Variants in FMO3 observed in about 807,000 individuals in gnomAD.
FMO3 encodes the protein flavin-containing monooxygenase 3.
A neutral mutation model predicts 39.4 loss-of-function variants in FMO3; 40 were observed. The ratio of observed to expected loss-of-function variants is 1.02; its 90% CI spans 0.79 to 1.32. FMO3 has a LOEUF of 1.32. FMO3 is among the 40% of genes most tolerant of loss of function. The probability of loss-of-function intolerance (pLI) is 0.00; values close to 1 mark genes in which losing one functional copy is unlikely to be tolerated. For synonymous variants in FMO3, 219 were observed against 228.8 expected (o/e 0.96, Z 0.39); for missense variants, 680 against 651.8 (o/e 1.04, Z -0.47).
chr1:171,103,664 C>A (rs199878858), intron 2 of FMO3, 121 bp from the exon 3 acceptor site: 9 of 821,878 alleles, frequency 1.1e-5, no homozygotes, highest in African/African-American at 3.4e-5. Flanking sequence ...TTGGTAACCA[C>A]GGAGGTCCTG....
At chr1:171,104,136 G>T (rs1655535921) in intron 3 of FMO3, among the ~76,000 whole-genome samples, 163 bp downstream of exon 3, 1 of 151,928 alleles carries the variant, frequency 6.6e-6, no homozygotes, top group African/African-American at 2.4e-5. Flanking sequence ...TTCTTCTCAA[G>T]GATACATAGA....
chr1:171,114,390 G>A (rs28363582), intron 7 of FMO3, 28 bp downstream of exon 7: 6 of 1,503,620 alleles, frequency 4.0e-6, no homozygotes, highest in Admixed American at 1.7e-5. Context: ...CTCATGGATT[G>A]CGAAGATGAA....
At chr1:171,112,933 TGAGA>T (rs1368468106) in intron 6 of FMO3, among the ~76,000 whole-genome samples, 1 of 152,122 alleles carries the variant, frequency 6.6e-6, no homozygotes, top group African/African-American at 2.4e-5. Context: ...GGAAAGGAAC[TGAGA>T]GAGAGTGATG....
At chr1:171,094,238 G>A (rs1654851341) in intron 2 of FMO3, among the ~76,000 whole-genome samples, 1 of 152,008 alleles carries the variant, frequency 6.6e-6, no homozygotes, top group South Asian at 2.1e-4. Context: ...TTTCCCATAT[G>A]TTTATTGGCC....
intron 2 of FMO3, among the ~76,000 whole-genome samples, chr1:171,094,907 C>T (rs1000299536): frequency 1.2e-4 from 18 of 152,002 alleles, no homozygotes; most frequent in African/African-American, 4.3e-4. Context: ...CTTAGAATTG[C>T]TGAGGTTATT....
chr1:171,092,801 T>G lies in FMO3; in HGVS notation c.132+11T>G, dbSNP rs781055094. The G allele has an allele frequency of 6.2e-7, 1 of 1,613,616 alleles. No individual in the cohort carries two copies. On this transcript the variant is annotated intron_variant, in intron 2 of 8. Transcript: ENST00000367755. ...CTGTGGAAATTTTCAGTGAGTAGCA[T>G]GTTGTTGTAATAGACAGGAAAATAG...
At position 171,095,148 on chromosome 1, in the gene FMO3, G is replaced by A. The variant is rs541259324; in HGVS notation, c.132+2358G>A. 3.3e-5 allele frequency among the ~76,000 whole-genome samples: 5 copies of A among 152,104 alleles called. No individual in the cohort carries two copies. The South Asian group carries it at 8.3e-4, about 25-fold the overall frequency. ...GAGATCTTGCACCTCTGGTTAAATGGGTTCCTAGATAATTTTTCCATTGTT... is the reference window on the plus strand; with the variant it reads ...GAGATCTTGCACCTCTGGTTAAATGAGTTCCTAGATAATTTTTCCATTGTT... On this transcript the variant is annotated intron_variant, in intron 2 of 8. Coordinates refer to ENST00000367755, the MANE Select transcript of FMO3 (RefSeq NM_001002294.3).
Position 171,108,126 on chromosome 1 carries a change from G to A in FMO3, c.532G>A (p.Glu178Lys). 6.2e-7 allele frequency: 1 copy of A among 1,613,836 alleles called. No homozygotes were observed. The highest frequency in any genetic ancestry group is 8.5e-7 in the Non-Finnish European group (1 of 1,179,846). ...ATGCTTCCACAGCAGGGACTATAAAGAACCAGGTGTATTCAATGGAAAGCG... is the reference window on the plus strand; with the variant it reads ...ATGCTTCCACAGCAGGGACTATAAAAAACCAGGTGTATTCAATGGAAAGCG... ...GKCFHSRDYKEPGVFNGKRVL... is the reference protein window; with the variant it reads ...GKCFHSRDYKKPGVFNGKRVL... Residue 178 changes from glutamate (E) to lysine (K), a missense_variant, in exon 5 of 9, where the codon GAA (glutamate) becomes AAA (lysine). Transcript: ENST00000367755.
In FMO3 at chr1:171,109,526, C is replaced by CTTTTTTTTTTTTTTTTT. The variant is rs780479699; in HGVS notation, c.628-1263_628-1247dup. 3.2e-4 allele frequency among the ~76,000 whole-genome samples: 19 copies of CTTTTTTTTTTTTTTTTT among 58,998 alleles called. 3 individuals carry two copies. Among genetic ancestry groups the CTTTTTTTTTTTTTTTTT allele is most frequent in the Non-Finnish European group, 4.7e-4 (16 of 34,322 alleles). The allele number at this position is 58,998 out of a possible 152,430, so 38.7% of individuals were successfully genotyped here. A position where few individuals can be genotyped will look rare whatever the true frequency, so the allele number is the denominator to read the frequency against. ...TAATTAATTGATCCTTTAGTCTCTT[C>CTTTTTTTTTTTTTTTTT]TTTTTTTTTTTTTTTTTTTTTTTTT... On this transcript the variant is annotated intron_variant, in intron 5 of 8. Coordinates refer to ENST00000367755, the MANE Select transcript of FMO3 (RefSeq NM_001002294.3).
At position 171,104,799 on chromosome 1, in the gene FMO3, G is replaced by A. The variant is rs564143696; in HGVS notation, c.321+826G>A. 5.9e-5 allele frequency among the ~76,000 whole-genome samples: 9 copies of A among 152,122 alleles called. No homozygotes were observed. In the East Asian group the frequency reaches 1.7e-3, roughly 29 times the overall value. On this transcript the variant is annotated intron_variant, in intron 3 of 8. Coordinates refer to ENST00000367755, the MANE Select transcript of FMO3 (RefSeq NM_001002294.3). The stretch of plus-strand genomic sequence containing the variant: ...TGAGGTGGGAGGATTGCTTGAGCTC[G>A]GGAGGTAGAGGTTGCAGTGAGCTGA...
chr1:171,101,587 C>T, intron 2 of FMO3: 1 of 424,794 alleles, frequency 2.4e-6, no homozygotes, highest in Non-Finnish European at 4.7e-6. Flanking sequence ...TTGGTTAAAA[C>T]TTAGCTAACA....
chr1:171,114,160 T>C lies in FMO3; in HGVS notation c.981T>C (p.Phe327=). 1.2e-6 allele frequency: 2 copies of C among 1,614,058 alleles called. No individual in the cohort carries two copies. The highest frequency in any genetic ancestry group is 2.2e-5 in the South Asian group (2 of 91,080). The part of the protein sequence containing the change: ...TIFEGIDCVI[F]ATGYSFAYPF... ...TTGAGGGCATTGACTGTGTAATCTT[T>C]GCAACAGGGTATAGTTTTGCCTACC... Residue 327 remains phenylalanine (F), a synonymous_variant, in exon 7 of 9, where the codon TTT becomes TTC. Coordinates refer to ENST00000367755, the MANE Select transcript of FMO3 (RefSeq NM_001002294.3).
Position 171,108,096 on chromosome 1 carries a change from G to A in FMO3, c.502G>A (p.Gly168Ser), listed in dbSNP as rs1462706054. The A allele has an allele frequency of 6.2e-7, 1 of 1,613,646 alleles. No individual in the cohort carries two copies. The highest frequency in any genetic ancestry group is 1.3e-5 in the African/African-American group (1 of 74,846). Residue 168 changes from glycine to serine, a missense_variant, in exon 5 of 9, where the codon GGC (glycine) becomes AGC (serine). Physicochemically the swap from Gly to Ser is moderately conservative, Grantham distance 56. Coordinates refer to ENST00000367755, the MANE Select transcript of FMO3 (RefSeq NM_001002294.3). ...ESFPGLNHFK[G>S]KCFHSRDYKE... ...TCACTCAGGACTAAACCACTTTAAA[G>A]GCAAATGCTTCCACAGCAGGGACTA...
intron 2 of FMO3, among the ~76,000 whole-genome samples, chr1:171,098,714 T>C (rs564104435): frequency 1.3e-5 from 2 of 152,346 alleles, no homozygotes; most frequent in South Asian, 4.1e-4. Context: ...GTTTTCTAGA[T>C]ATACAATCAT....
At chr1:171,108,349 C>T (rs2101914287) in intron 5 of FMO3, 128 bp downstream of exon 5, 2 of 1,119,530 alleles carry the variant, frequency 1.8e-6, no homozygotes, top group East Asian at 2.6e-5. Context: ...TGGTATTTCA[C>T]ATAGCTGAGC....
chr1:171,108,956 GAA>G (rs1655774788), intron 5 of FMO3, among the ~76,000 whole-genome samples: 1 of 152,134 alleles, frequency 6.6e-6, no homozygotes, highest in African/African-American at 2.4e-5. Context: ...CTTAGAATTG[GAA>G]ATGCCACAAG....
At chr1:171,100,411 C>T (rs1261618158) in intron 2 of FMO3, 1 of 152,226 alleles carries the variant, frequency 6.6e-6, no homozygotes, top group Non-Finnish European at 1.5e-5. Context: ...TTCAAAATTG[C>T]TTGGGATTAG....
At chr1:171,095,564 T>A (rs546864329) in intron 2 of FMO3, among the ~76,000 whole-genome samples, 64 of 151,304 alleles carry the variant, frequency 4.2e-4, no homozygotes, top group African/African-American at 1.5e-3. Flanking sequence ...CAGTATTATA[T>A]TATTTACCTC....
At chr1:171,106,593 A>G (rs1466825506) in intron 3 of FMO3, among the ~76,000 whole-genome samples, 1 of 152,222 alleles carries the variant, frequency 6.6e-6, no homozygotes, top group African/African-American at 2.4e-5. Context: ...CTTCTTTTCA[A>G]TAGTCTTAAG....
Sources: gnomAD v4.1 joint callset for allele counts (sites outside exome capture counted in the v4.1 genomes callset) on GRCh38, gnomAD v4.1.1 for gene constraint, MANE v1.5 for transcripts, NCBI Gene and HGNC (gene_info 2026-07-23, HGNC 2026-07-21) for gene names.